Variants in CD47 observed in about 807,000 individuals in gnomAD.
CD47 encodes the protein leukocyte surface antigen CD47.
CD47 carries 11 observed loss-of-function variants against 44.6 expected under a neutral mutation model. The observed-to-expected ratio is 0.25, with a 90% CI of 0.16 to 0.41. The LOEUF (loss-of-function observed/expected upper bound fraction) is 0.41, where lower values mean the gene tolerates loss of function less well. CD47 is among the 10% of genes least tolerant of loss of function. CD47 has a pLI of 1.00. For synonymous variants in CD47, 140 were observed against 136.3 expected (o/e 1.03, Z -0.19); for missense variants, 306 against 386.7 (o/e 0.79, Z 1.75).
rs930330556 is a variant in CD47 at position 108,085,820 on chromosome 3, T to C, written c.46+5043A>G. On this transcript the variant is annotated intron_variant, in intron 1 of 10. Coordinates refer to ENST00000361309, the MANE Select transcript of CD47 (RefSeq NM_001777.4). ...ATAGAAGAAAAATCTAAAAATCATG[T>C]GGGAGAAGATAGATTTTTCTTCTGT... Among the ~76,000 whole-genome samples the C allele has an allele frequency of 3.9e-5, 6 of 152,090 alleles. No individual in the cohort carries two copies. In the South Asian group the frequency reaches 1.0e-3, roughly 26 times the overall value.
At chr3:108,077,711 C>CA (rs1358817007) in intron 2 of CD47, among the ~76,000 whole-genome samples, 58 of 143,278 alleles carry the variant, frequency 4.0e-4, no homozygotes, top group Middle Eastern at 3.5e-3. Context: ...TACTACTCAG[C>CA]AAAAAAAAAA....
At chr3:108,074,559 C>A (rs967710497) in intron 2 of CD47, among the ~76,000 whole-genome samples, 1 of 152,226 alleles carries the variant, frequency 6.6e-6, no homozygotes, top group East Asian at 1.9e-4. Flanking sequence ...GGTGATCCAC[C>A]TGCCTCAGCC....
intron 8 of CD47, chr3:108,050,943 G>T: frequency 3.2e-6 from 1 of 315,096 alleles, no homozygotes. Context: ...CAGTGAAGAG[G>T]TGGAAGCAAA....
At chr3:108,076,663 T>C (rs1280195637) in intron 2 of CD47, among the ~76,000 whole-genome samples, 1 of 152,200 alleles carries the variant, frequency 6.6e-6, no homozygotes, top group Non-Finnish European at 1.5e-5. Context: ...AGGACACGAC[T>C]TACATAAAGT....
In CD47 at chr3:108,045,661, C is replaced by T. The variant is rs1317686889; in HGVS notation, c.*1627G>A. 1 of 152,176 alleles carries T rather than the reference C, an allele frequency of 6.6e-6. No individual in the cohort carries two copies. Among genetic ancestry groups the T allele is most frequent in the Non-Finnish European group, 1.5e-5 (1 of 67,970 alleles). 9.4% of individuals were successfully genotyped at this position (152,176 alleles called of 1,614,324 possible). On this transcript the variant is annotated 3_prime_UTR_variant, in exon 11 of 11. Coordinates refer to ENST00000361309, the MANE Select transcript of CD47 (RefSeq NM_001777.4). The stretch of plus-strand genomic sequence containing the variant: ...TTGCCATGGGCAAACTACTTGGTCC[C>T]AACATGAAATATGACAATCAATTTG...
intron 3 of CD47, among the ~76,000 whole-genome samples, chr3:108,061,718 C>T (rs2079018789): frequency 6.6e-6 from 1 of 152,044 alleles, no homozygotes; most frequent in Non-Finnish European, 1.5e-5. Context: ...GATTTTTTCA[C>T]CAAGGAAGTT....
intron 8 of CD47, among the ~76,000 whole-genome samples, chr3:108,051,437 G>A (rs972458111): frequency 6.6e-6 from 1 of 152,100 alleles, no homozygotes; most frequent in Admixed American, 6.5e-5. Flanking sequence ...AGTTTTAAGG[G>A]AAAAAATGTT....
intron 2 of CD47, among the ~76,000 whole-genome samples, chr3:108,075,432 G>T (rs1331281841): frequency 1.3e-5 from 2 of 151,930 alleles, no homozygotes; most frequent in Admixed American, 1.3e-4. Context: ...CACAAACATA[G>T]GGAACACCAG....
At chr3:108,083,762 C>T (rs2079462051) in intron 1 of CD47, among the ~76,000 whole-genome samples, 2 of 151,970 alleles carry the variant, frequency 1.3e-5, no homozygotes, top group South Asian at 4.1e-4. Context: ...TTACTCCCTT[C>T]TGCCCTTTAT....
intron 2 of CD47, among the ~76,000 whole-genome samples, chr3:108,077,934 C>T (rs1659715601): frequency 6.6e-6 from 1 of 151,988 alleles, no homozygotes; most frequent in Admixed American, 6.6e-5. Flanking sequence ...TAAGAATAAG[C>T]ATGAGGGAGA....
chr3:108,075,458 A>G (rs2079293272), intron 2 of CD47, among the ~76,000 whole-genome samples: 1 of 152,210 alleles, frequency 6.6e-6, no homozygotes, highest in African/African-American at 2.4e-5. Context: ...ACACACACAC[A>G]CACGCATACA....
intron 3 of CD47, among the ~76,000 whole-genome samples, chr3:108,065,545 G>A (rs1265022475): frequency 2.0e-5 from 3 of 152,098 alleles, no homozygotes; most frequent in Non-Finnish European, 4.4e-5. Context: ...ATGCATGGTG[G>A]CTAATGCCTG....
intron 2 of CD47, among the ~76,000 whole-genome samples, chr3:108,074,747 G>C (rs2108258985): frequency 6.6e-6 from 1 of 151,890 alleles, no homozygotes; most frequent in East Asian, 1.9e-4. Flanking sequence ...AGGGCATCCA[G>C]GATTCTCTCA....
chr3:108,044,208 C>A lies in CD47; in HGVS notation c.*3080G>T, dbSNP rs559649409. The A allele has an allele frequency of 3.3e-5, 5 of 152,546 alleles. No individual in the cohort carries two copies. Among genetic ancestry groups the A allele is most frequent in the African/African-American group, 1.2e-4 (5 of 41,538 alleles). 9.4% of individuals were successfully genotyped at this position (152,546 alleles called of 1,614,324 possible). On this transcript the variant is annotated 3_prime_UTR_variant, in exon 11 of 11. Transcript: ENST00000361309. ...TACTGAGATGGAGGAGTAAACTTAT[C>A]GTGTTTTGAGCTTTGTTAGTGCAAA... is the stretch of plus-strand genomic sequence containing the variant.
chr3:108,071,050 T>C (rs759497186), intron 3 of CD47, 43 bp downstream of exon 3: 2 of 815,844 alleles, frequency 2.5e-6, no homozygotes, highest in Non-Finnish European at 3.9e-6. Context: ...GAAATAACTA[T>C]ATCATCACTG....
intron 3 of CD47, among the ~76,000 whole-genome samples, chr3:108,065,817 A>G (rs2079096717): frequency 2.7e-5 from 2 of 74,680 alleles, no homozygotes; most frequent in Non-Finnish European, 5.5e-5. Flanking sequence ...GTCTCAAAAA[A>G]AAAAAAAAAA....
chr3:108,051,751 C>T, intron 8 of CD47, 188 bp downstream of exon 8: 1 of 679,474 alleles, frequency 1.5e-6, no homozygotes, highest in South Asian at 1.4e-5. Context: ...ATCCCATTGA[C>T]ACTAAAATGA....
chr3:108,077,721 A>AT (rs1439345489), intron 2 of CD47, among the ~76,000 whole-genome samples: 1 of 152,108 alleles, frequency 6.6e-6, no homozygotes, highest in Non-Finnish European at 1.5e-5. Flanking sequence ...CAAAAAAAAA[A>AT]GTAAGGAAAA....
intron 2 of CD47, among the ~76,000 whole-genome samples, chr3:108,073,581 G>C (rs1169675009): frequency 6.6e-6 from 1 of 152,220 alleles, no homozygotes; most frequent in Non-Finnish European, 1.5e-5. Context: ...AGAAACCAAA[G>C]GATGGCCATT....
Sources: gnomAD v4.1 joint callset for allele counts (sites outside exome capture counted in the v4.1 genomes callset) on GRCh38, gnomAD v4.1.1 for gene constraint, MANE v1.5 for transcripts, NCBI Gene and HGNC (gene_info 2026-07-23, HGNC 2026-07-21) for gene names.